ATP2C1: variants seen among roughly 807,000 people sequenced by gnomAD.
ATP2C1 encodes the protein ATPase secretory pathway Ca2+ transporting 1, also known as calcium-transporting ATPase type 2C member 1.
In ATP2C1, 31 loss-of-function variants were observed where a neutral mutation model predicts 120.5. The observed-to-expected ratio is 0.26, with a 90% confidence interval of 0.19 to 0.35. ATP2C1 has a LOEUF of 0.35. Among genes scored for constraint, ATP2C1 ranks in the 10% least tolerant of loss-of-function variants. The probability of loss-of-function intolerance (pLI) is 1.00; values close to 1 mark genes in which losing one functional copy is unlikely to be tolerated. For missense variants in ATP2C1, 731 were observed against 1,107.5 expected, an observed-to-expected ratio of 0.66 and a Z score of 4.83; for synonymous variants, 351 against 358.7, an observed-to-expected ratio of 0.98 and a Z score of 0.24.
At chr3:130,935,929 G>A (rs1037160379) in intron 5 of ATP2C1, among the ~76,000 whole-genome samples, 4 of 152,182 alleles carry the variant, frequency 2.6e-5, no homozygotes, top group African/African-American at 4.8e-5. Flanking sequence ...ATGATTGTGA[G>A]GCAAACTAGC....
intron 12 of ATP2C1, among the ~76,000 whole-genome samples, chr3:130,962,733 GAAAAGAA>G (rs1487834310): frequency 8.6e-6 from 1 of 116,464 alleles, no homozygotes; most frequent in African/African-American, 3.3e-5. Context: ...AAAAAAAAAA[GAAAAGAA>G]AAAAGAAAAA....
chr3:130,969,788 A>G (rs1038060989), intron 17 of ATP2C1, among the ~76,000 whole-genome samples: 4 of 152,234 alleles, frequency 2.6e-5, no homozygotes, highest in African/African-American at 9.6e-5. Flanking sequence ...TTTAGAACAA[A>G]TGAAGCCACC....
Position 130,953,858 on chromosome 3 carries a change from G to A in ATP2C1, c.569G>A (p.Gly190Asp). The A allele has an allele frequency of 6.2e-7, 1 of 1,614,022 alleles. No homozygotes were observed. The highest frequency in any genetic ancestry group is 8.5e-7 in the Non-Finnish European group (1 of 1,179,954). ...TCCATTGATGAGTCCAGCTTGACAG[G>A]TGAGACAACGCCTTGTTCTAAGGTG... ...DLSIDESSLT[G>D]ETTPCSKVTA... Residue 190 changes from glycine to aspartate, a missense_variant, in exon 9 of 28, where the codon GGT becomes GAT. Transcript: ENST00000510168.
intron 1 of ATP2C1, among the ~76,000 whole-genome samples, chr3:130,858,321 G>A (rs1471130437): frequency 6.6e-6 from 1 of 152,136 alleles, no homozygotes; most frequent in Non-Finnish European, 1.5e-5. Flanking sequence ...CTGAACCCTA[G>A]CTATAGCACA....
chr3:130,985,367 T>C (rs2061952230), intron 20 of ATP2C1, among the ~76,000 whole-genome samples: 1 of 152,108 alleles, frequency 6.6e-6, no homozygotes, highest in African/African-American at 2.4e-5. Flanking sequence ...GTGTGGTGGC[T>C]CACAGCTGTA....
chr3:130,884,630 C>T (rs2068902319), intron 1 of ATP2C1, among the ~76,000 whole-genome samples: 1 of 152,164 alleles, frequency 6.6e-6, no homozygotes, highest in Non-Finnish European at 1.5e-5. Flanking sequence ...GTATTGAGGT[C>T]TATCTCTCTC....
intron 1 of ATP2C1, among the ~76,000 whole-genome samples, chr3:130,887,556 C>A (rs2069016786): frequency 1.3e-5 from 2 of 152,232 alleles, no homozygotes; most frequent in South Asian, 4.1e-4. Context: ...CAAAGTCCTT[C>A]CTGCTCTTCC....
chr3:130,939,564 T>C (rs950922112), intron 6 of ATP2C1, among the ~76,000 whole-genome samples: 2 of 152,194 alleles, frequency 1.3e-5, no homozygotes, highest in Admixed American at 6.5e-5. Flanking sequence ...TAAGTAAAGA[T>C]TGGGCAGCAT....
intron 2 of ATP2C1, among the ~76,000 whole-genome samples, chr3:130,912,321 C>A (rs2058462143): frequency 6.6e-6 from 1 of 150,520 alleles, no homozygotes; most frequent in Non-Finnish European, 1.5e-5. Context: ...AGGAAACCTA[C>A]AAAATGGGAG....
At chr3:130,870,096 C>G (rs113732614) in intron 1 of ATP2C1, among the ~76,000 whole-genome samples, 3 of 152,030 alleles carry the variant, frequency 2.0e-5, no homozygotes, top group African/African-American at 7.3e-5. Flanking sequence ...ATCAATGGAA[C>G]AACAGAGCCT....
At chr3:130,915,518 G>A (rs1180421369) in intron 2 of ATP2C1, among the ~76,000 whole-genome samples, 1 of 152,174 alleles carries the variant, frequency 6.6e-6, no homozygotes, top group Non-Finnish European at 1.5e-5. Flanking sequence ...AGCAGTTACT[G>A]AGTACCAGCT....
intron 1 of ATP2C1, among the ~76,000 whole-genome samples, chr3:130,863,809 T>C (rs1192529131): frequency 6.6e-6 from 1 of 152,226 alleles, no homozygotes; most frequent in East Asian, 1.9e-4. Context: ...GCTGCTGCCA[T>C]GTAAGAAGTG....
At chr3:130,898,408 T>C (rs2069834506) in intron 2 of ATP2C1, among the ~76,000 whole-genome samples, 1 of 152,178 alleles carries the variant, frequency 6.6e-6, no homozygotes, top group South Asian at 2.1e-4. Flanking sequence ...GAAAAAGGGA[T>C]GAGAAGCCAC....
intron 1 of ATP2C1, among the ~76,000 whole-genome samples, chr3:130,882,169 G>T (rs767817832): frequency 2.0e-4 from 31 of 151,618 alleles, no homozygotes; most frequent in Non-Finnish European, 3.4e-4. Flanking sequence ...CCCCATTCAG[G>T]GTAATACTAG....
chr3:131,011,232 A>G (rs1173005614), intron 26 of ATP2C1, among the ~76,000 whole-genome samples: 1 of 152,228 alleles, frequency 6.6e-6, no homozygotes, highest in Non-Finnish European at 1.5e-5. Context: ...ATGCATATTA[A>G]ACTTTCAAGG....
intron 27 of ATP2C1, among the ~76,000 whole-genome samples, chr3:131,000,453 GTGTGGATAGTAT>G (rs2062831950): frequency 6.6e-6 from 1 of 152,192 alleles, no homozygotes; most frequent in Non-Finnish European, 1.5e-5. Context: ...AATTGAGATA[GTGTGGATAGTAT>G]TGTAAAGACA....
Position 130,900,355 on chromosome 3 carries a change from C to T in ATP2C1, c.6+5580C>T, listed in dbSNP as rs374492492. ...GGAATTATAGGCATGAGCCACCGTG[C>T]CCAGCTTTAGTATGACATTCTTTAT... is the stretch of plus-strand genomic sequence containing the variant. On this transcript the variant is annotated intron_variant, in intron 2 of 27. Coordinates refer to ENST00000510168, the MANE Select transcript of ATP2C1 (RefSeq NM_001378687.1). 3.9e-5 allele frequency among the ~76,000 whole-genome samples: 6 copies of T among 152,224 alleles called. No individual in the cohort carries two copies. The East Asian group carries it at 5.8e-4, about 15-fold the overall frequency.
intron 1 of ATP2C1, among the ~76,000 whole-genome samples, chr3:130,884,087 C>G (rs924226377): frequency 6.6e-6 from 1 of 151,742 alleles, no homozygotes; most frequent in Non-Finnish European, 1.5e-5. Context: ...ATTACAGGCT[C>G]TGGCCACCAT....
chr3:130,871,827 C>G (rs1052190524), intron 1 of ATP2C1, among the ~76,000 whole-genome samples: 1 of 152,106 alleles, frequency 6.6e-6, no homozygotes, highest in Non-Finnish European at 1.5e-5. Context: ...TCCAGACCAG[C>G]CTGGCCAATG....
Sources: gnomAD v4.1 joint callset for allele counts (sites outside exome capture counted in the v4.1 genomes callset) on GRCh38, gnomAD v4.1.1 for gene constraint, MANE v1.5 for transcripts, NCBI Gene and HGNC (gene_info 2026-07-23, HGNC 2026-07-21) for gene names.